The following PRKCB variants were observed in gnomAD, a reference collection of about 807,000 sequenced individuals.
The protein encoded by PRKCB is protein kinase C beta type.
Under a neutral mutation model 81.5 loss-of-function variants are expected in PRKCB, and 13 were observed. That is an observed-to-expected ratio of 0.16 (90% CI 0.10 to 0.25). The LOEUF (loss-of-function observed/expected upper bound fraction) is 0.25. PRKCB is among the 10% of genes least tolerant of loss of function. The pLI is 1.00. For missense variants in PRKCB, 509 were observed against 875.7 expected, an observed-to-expected ratio of 0.58 and a Z score of 5.29; for synonymous variants, 335 against 321.4, an observed-to-expected ratio of 1.04 and a Z score of -0.45.
At chr16:24,203,039 A>G (rs2141987963) in intron 16 of PRKCB, 1 of 152,232 alleles carries the variant, frequency 6.6e-6, no homozygotes, top group South Asian at 2.1e-4. Context: ...CTTGGGGAAC[A>G]TGGCAAAATC....
chr16:23,870,231 T>G (rs1962881985), intron 2 of PRKCB, among the ~76,000 whole-genome samples: 1 of 152,200 alleles, frequency 6.6e-6, no homozygotes, highest in Admixed American at 6.5e-5. Context: ...GAAGAACAAT[T>G]TCTTCCTAGT....
At chr16:23,878,060 C>G (rs918251987) in intron 2 of PRKCB, among the ~76,000 whole-genome samples, 1 of 152,166 alleles carries the variant, frequency 6.6e-6, no homozygotes, top group African/African-American at 2.4e-5. Context: ...TCTTGAACTC[C>G]TGACCTCAGG....
intron 2 of PRKCB, among the ~76,000 whole-genome samples, chr16:23,856,704 T>C (rs1043785769): frequency 6.6e-6 from 1 of 152,102 alleles, no homozygotes; most frequent in Non-Finnish European, 1.5e-5. Flanking sequence ...CTAAAACTTT[T>C]TGTAGAGATA....
intron 12 of PRKCB, 152 bp downstream of exon 12, chr16:24,174,732 G>A (rs768133737): frequency 7.4e-6 from 5 of 679,594 alleles, no homozygotes; most frequent in Non-Finnish European, 1.2e-5. Context: ...AGGCAGCATC[G>A]CCCACTGCCC....
At chr16:23,908,235 G>A (rs542157629) in intron 2 of PRKCB, among the ~76,000 whole-genome samples, 9 of 152,228 alleles carry the variant, frequency 5.9e-5, no homozygotes, top group African/African-American at 2.2e-4. Context: ...GTGCTGCAGA[G>A]GGAAAAAGGA....
At chr16:23,988,373 T>G in intron 2 of PRKCB, 135 bp from the exon 3 acceptor site, 3 of 644,856 alleles carry the variant, frequency 4.7e-6, no homozygotes, top group Non-Finnish European at 5.4e-6. Flanking sequence ...GAAGCTGACA[T>G]TATTGTTTAT....
intron 2 of PRKCB, chr16:23,963,570 G>A (rs906060476): frequency 6.6e-6 from 1 of 152,188 alleles, no homozygotes; most frequent in Non-Finnish European, 1.5e-5. Context: ...TCCCCTCCAG[G>A]TGGAGTGGGC....
chr16:24,035,708 C>T (rs961828936), intron 5 of PRKCB, among the ~76,000 whole-genome samples, 161 bp downstream of exon 5: 67 of 152,144 alleles, frequency 4.4e-4, no homozygotes, highest in African/African-American at 1.5e-3. Flanking sequence ...CTGCCCATGA[C>T]AGCCCCTCCC....
At chr16:24,174,734 C>A in intron 12 of PRKCB, 154 bp downstream of exon 12, 1 of 676,314 alleles carries the variant, frequency 1.5e-6, no homozygotes. Context: ...GCAGCATCGC[C>A]CACTGCCCTG....
chr16:23,888,761 A>T (rs904611136), intron 2 of PRKCB, among the ~76,000 whole-genome samples: 2 of 152,042 alleles, frequency 1.3e-5, no homozygotes, highest in Non-Finnish European at 2.9e-5. Context: ...ATCTGCCAGG[A>T]TGGGGCTACT....
Position 23,994,263 on chromosome 16 carries a change from G to C in PRKCB, c.288+5673G>C, listed in dbSNP as rs1363244125. Among the ~76,000 whole-genome samples, 2 of 152,152 alleles carry C rather than the reference G, an allele frequency of 1.3e-5. 1 individual carries two copies. Among genetic ancestry groups the C allele is most frequent in the Admixed American group, 1.3e-4 (2 of 15,282 alleles). ...GCTTATGGTGGTCAGGTGATCAATG[G>C]AATTTTAGCTCAGGTCTGTCTTACA... is the stretch of plus-strand genomic sequence containing the variant. On this transcript the variant is annotated intron_variant, in intron 3 of 16. Coordinates refer to ENST00000643927, the MANE Select transcript of PRKCB (RefSeq NM_002738.7).
chr16:24,176,843 G>A (rs1202385649), intron 12 of PRKCB, among the ~76,000 whole-genome samples: 2 of 149,948 alleles, frequency 1.3e-5, no homozygotes, highest in East Asian at 4.0e-4. Context: ...GCAGTGAGCT[G>A]AGATCACCCC....
At chr16:24,143,075 T>C (rs71379849) in intron 9 of PRKCB, among the ~76,000 whole-genome samples, 7,098 of 152,230 alleles carry the variant, frequency 0.047, 231 homozygotes, top group Non-Finnish European at 0.066. Context: ...AATTTAGTGT[T>C]TGAGGACCCT....
chr16:23,878,391 G>A (rs1215343641), intron 2 of PRKCB, among the ~76,000 whole-genome samples: 4 of 152,086 alleles, frequency 2.6e-5, no homozygotes, highest in Non-Finnish European at 5.9e-5. Context: ...CCTGATCAAA[G>A]CTTATATAAC....
At chr16:23,915,375 G>A (rs549617108) in intron 2 of PRKCB, among the ~76,000 whole-genome samples, 2 of 152,136 alleles carry the variant, frequency 1.3e-5, no homozygotes, top group African/African-American at 2.4e-5. Flanking sequence ...TGCCCCGGAA[G>A]GAGTGAACTG....
chr16:24,049,308 G>A (rs1466676577), intron 5 of PRKCB, among the ~76,000 whole-genome samples: 1 of 150,954 alleles, frequency 6.6e-6, no homozygotes, highest in Admixed American at 6.6e-5. Context: ...GCACATCCGG[G>A]ACCTGCACCC....
intron 7 of PRKCB, among the ~76,000 whole-genome samples, chr16:24,109,400 G>A (rs906891653): frequency 6.3e-5 from 8 of 126,474 alleles, no homozygotes; most frequent in East Asian, 2.3e-4. Flanking sequence ...CGGGGCGGCC[G>A]GGCAGAGATG....
chr16:24,138,977 G>A (rs144085508), intron 9 of PRKCB, among the ~76,000 whole-genome samples: 2,146 of 149,886 alleles, frequency 0.014, 56 homozygotes, highest in African/African-American at 0.049. Context: ...TCAGCCTCCT[G>A]AGTAGCTGAG....
In PRKCB at chr16:23,855,902, G is replaced by C. The variant is rs568346287; in HGVS notation, c.205+18496G>C. Among the ~76,000 whole-genome samples, 17 of 152,330 alleles carry C rather than the reference G, an allele frequency of 1.1e-4. No homozygotes were observed. The East Asian group carries it at 3.1e-3, about 28-fold the overall frequency. ...AGTCCCAGGGAGGACACAGCTGTGA[G>C]CAATTGGTTTTCCCAGCAGCTGGGG... is the stretch of plus-strand genomic sequence containing the variant. On this transcript the variant is annotated intron_variant, in intron 2 of 16. Coordinates refer to ENST00000643927, the MANE Select transcript of PRKCB (RefSeq NM_002738.7).
Sources: allele counts gnomAD v4.1 joint callset (sites outside exome capture counted in the v4.1 genomes callset), GRCh38; gene constraint gnomAD v4.1.1; transcripts MANE v1.5; gene names NCBI Gene and HGNC (gene_info 2026-07-23, HGNC 2026-07-21).